INTU: variants seen among roughly 807,000 people sequenced by gnomAD.
The protein encoded by INTU is inturned planar cell polarity protein, also known as protein inturned.
INTU carries 68 observed loss-of-function variants against 100.5 expected under a neutral mutation model. The observed-to-expected ratio is 0.68, with a 90% CI of 0.56 to 0.83. The LOEUF is 0.83. Ranked by LOEUF, INTU falls within the 40% of genes least tolerant of loss-of-function variation. The pLI is 0.00. For missense variants in INTU, 1,071 were observed against 1,114.7 expected (o/e 0.96, Z 0.56); for synonymous variants, 357 against 395.7 (o/e 0.90, Z 1.16).
intron 7 of INTU, chr4:127,685,568 A>ACG: frequency 2.3e-6 from 1 of 437,358 alleles, no homozygotes; most frequent in South Asian, 1.6e-5. Flanking sequence ...TTTTCCAGAT[A>ACG]AGTGAGCTAC....
intron 2 of INTU, among the ~76,000 whole-genome samples, chr4:127,650,838 C>T (rs1416740970): frequency 3.3e-5 from 5 of 152,068 alleles, no homozygotes; most frequent in African/African-American, 1.2e-4. Flanking sequence ...GTCCCACCAA[C>T]AGTGTAAAAG....
chr4:127,698,330 C>T (rs1020038708), intron 8 of INTU, among the ~76,000 whole-genome samples: 1 of 151,398 alleles, frequency 6.6e-6, no homozygotes, highest in Non-Finnish European at 1.5e-5. Flanking sequence ...GGCGTGGTGG[C>T]GGGCGCCTGT....
intron 9 of INTU, among the ~76,000 whole-genome samples, chr4:127,703,043 C>T (rs1184542421): frequency 1.3e-5 from 2 of 152,164 alleles, no homozygotes; most frequent in African/African-American, 2.4e-5. Flanking sequence ...ATAAACCAGA[C>T]ACTCCACATG....
intron 12 of INTU, among the ~76,000 whole-genome samples, chr4:127,708,281 T>A (rs1013204330): frequency 6.6e-6 from 1 of 152,020 alleles, no homozygotes; most frequent in Non-Finnish European, 1.5e-5. Context: ...GCCCCTGACT[T>A]TGAGGAGTGC....
intron 3 of INTU, among the ~76,000 whole-genome samples, chr4:127,658,243 A>G (rs1366885935): frequency 6.6e-6 from 1 of 152,204 alleles, no homozygotes; most frequent in Non-Finnish European, 1.5e-5. Flanking sequence ...AAATTTAGCT[A>G]TCTTTGGAAA....
chr4:127,701,343 A>C (rs1730640215), intron 9 of INTU, among the ~76,000 whole-genome samples: 1 of 152,186 alleles, frequency 6.6e-6, no homozygotes, highest in East Asian at 1.9e-4. Flanking sequence ...AAGAGACTGA[A>C]TATTATCAAC....
intron 6 of INTU, among the ~76,000 whole-genome samples, chr4:127,676,312 G>A (rs781194439): frequency 6.6e-6 from 1 of 152,144 alleles, no homozygotes; most frequent in Admixed American, 6.5e-5. Flanking sequence ...CTACAGCCAG[G>A]CAGTGGCTCA....
At chr4:127,706,366 A>G (rs752715755) in intron 11 of INTU, 121 bp from the exon 12 acceptor site, 21 of 800,282 alleles carry the variant, frequency 2.6e-5, no homozygotes, top group Non-Finnish European at 3.8e-5. Context: ...ATTTTTAATA[A>G]TCATCACATG....
rs1731285588 is a variant in INTU at position 127,717,488 on chromosome 4, C to CTT, written c.*1054_*1055dup. The CTT allele has an allele frequency of 6.6e-6, 1 of 152,178 alleles. No individual in the cohort carries two copies. The highest frequency in any genetic ancestry group is 2.4e-5 in the African/African-American group (1 of 41,446). 9.4% of individuals were successfully genotyped at this position (152,178 alleles called of 1,614,324 possible). On this transcript the variant is annotated 3_prime_UTR_variant, in exon 16 of 16. Transcript: ENST00000335251. ...ATTTGTAATTGAATGATTTATATTA[C>CTT]TTTGAGTATAAACCCAGTAATGGGA...
intron 2 of INTU, among the ~76,000 whole-genome samples, chr4:127,651,185 G>A (rs1040128194): frequency 2.9e-4 from 44 of 151,888 alleles, no homozygotes; most frequent in South Asian, 1.7e-3. Flanking sequence ...TCACTCTGAT[G>A]GTAGTTTCTT....
chr4:127,693,005 T>C (rs1270707989), intron 8 of INTU, among the ~76,000 whole-genome samples: 2 of 152,072 alleles, frequency 1.3e-5, no homozygotes, highest in African/African-American at 4.8e-5. Context: ...AGTTTGAAGG[T>C]GGGTAATGAG....
intron 1 of INTU, among the ~76,000 whole-genome samples, chr4:127,640,595 ATAC>A: frequency 2.1e-5 from 1 of 48,378 alleles, no homozygotes; most frequent in East Asian, 6.2e-4. Context: ...ATATATACAT[ATAC>A]ATAAACACAC....
At chr4:127,697,218 G>A (rs926468565) in intron 8 of INTU, among the ~76,000 whole-genome samples, 9 of 151,936 alleles carry the variant, frequency 5.9e-5, no homozygotes, top group Non-Finnish European at 7.4e-5. Context: ...CCTAACCATC[G>A]CCGCAATCAA....
intron 12 of INTU, among the ~76,000 whole-genome samples, chr4:127,707,861 T>TG (rs1157790336): frequency 1.3e-5 from 2 of 152,202 alleles, no homozygotes; most frequent in African/African-American, 4.8e-5. Flanking sequence ...ATTCTAGTGA[T>TG]GCTGTCGTCT....
chr4:127,690,539 G>A (rs1182308902), intron 8 of INTU, among the ~76,000 whole-genome samples: 1 of 152,164 alleles, frequency 6.6e-6, no homozygotes, highest in Non-Finnish European at 1.5e-5. Context: ...TGGCTTAGAT[G>A]TTTTCTACAT....
At chr4:127,677,920 T>C (rs1729308262) in intron 6 of INTU, among the ~76,000 whole-genome samples, 2 of 151,852 alleles carry the variant, frequency 1.3e-5, no homozygotes, top group African/African-American at 4.8e-5. Flanking sequence ...GCTGCTGGAG[T>C]GGAAAGCCAA....
intron 2 of INTU, among the ~76,000 whole-genome samples, chr4:127,644,284 A>T (rs1727470940): frequency 6.6e-6 from 1 of 152,228 alleles, no homozygotes; most frequent in Admixed American, 6.5e-5. Flanking sequence ...TGTTCAGGCC[A>T]AGAAATAGCT....
intron 6 of INTU, among the ~76,000 whole-genome samples, chr4:127,676,585 CAA>C (rs759247806): frequency 5.2e-5 from 4 of 76,760 alleles, no homozygotes; most frequent in Non-Finnish European, 2.7e-5. Flanking sequence ...GACAATGTCT[CAA>C]AAAAAAAAAA....
At chr4:127,653,081 T>A (rs1270369854) in intron 2 of INTU, among the ~76,000 whole-genome samples, 1 of 151,776 alleles carries the variant, frequency 6.6e-6, no homozygotes. Flanking sequence ...CCTTTATCAT[T>A]TTTTATTGTG....
Sources: gnomAD v4.1 joint callset for allele counts (sites outside exome capture counted in the v4.1 genomes callset) on GRCh38, gnomAD v4.1.1 for gene constraint, MANE v1.5 for transcripts, NCBI Gene and HGNC (gene_info 2026-07-23, HGNC 2026-07-21) for gene names.